The following HIP1 variants were observed in gnomAD, a reference collection of about 807,000 sequenced individuals.
HIP1 encodes the protein huntingtin interacting protein 1, also known as huntingtin-interacting protein 1.
Under a neutral mutation model 147.6 loss-of-function variants are expected in HIP1, and 65 were observed. The observed-to-expected ratio is 0.44, with a 90% CI of 0.36 to 0.54. The LOEUF is 0.54. HIP1 is among the 20% of genes least tolerant of loss of function. The probability of loss-of-function intolerance (pLI) is 0.00; values close to 1 mark genes in which losing one functional copy is unlikely to be tolerated. For missense variants in HIP1, 1,061 were observed against 1,299.6 expected, an observed-to-expected ratio of 0.82 and a Z score of 2.82; for synonymous variants, 479 against 504.0, an observed-to-expected ratio of 0.95 and a Z score of 0.67.
chr7:75,599,447 C>T (rs1796890769), intron 1 of HIP1, among the ~76,000 whole-genome samples, 200 bp from the exon 2 acceptor site: 1 of 152,194 alleles, frequency 6.6e-6, no homozygotes, highest in African/African-American at 2.4e-5. Flanking sequence ...CTGGGCCGTC[C>T]TGAGGGAGTG....
At chr7:75,677,626 G>C (rs201238555) in intron 1 of HIP1, among the ~76,000 whole-genome samples, 1 of 109,862 alleles carries the variant, frequency 9.1e-6, no homozygotes, top group African/African-American at 3.5e-5. Flanking sequence ...AAAAAAAAAA[G>C]ACAAGCCTTT....
intron 1 of HIP1, among the ~76,000 whole-genome samples, chr7:75,689,457 T>C (rs1162735678): frequency 6.6e-6 from 1 of 151,550 alleles, no homozygotes; most frequent in African/African-American, 2.4e-5. Context: ...TGAGCTGAGA[T>C]TGCGCCATTG....
intron 1 of HIP1, among the ~76,000 whole-genome samples, chr7:75,673,219 C>T (rs960350158): frequency 6.6e-6 from 1 of 151,914 alleles, no homozygotes; most frequent in Non-Finnish European, 1.5e-5. Flanking sequence ...GACAGAGTTT[C>T]ACTATATTGA....
At chr7:75,715,930 G>C (rs1415359665) in intron 1 of HIP1, among the ~76,000 whole-genome samples, 1 of 151,974 alleles carries the variant, frequency 6.6e-6, no homozygotes, top group Admixed American at 6.6e-5. Context: ...GGAATCAGGC[G>C]TGTCACATGG....
rs551201678 is a variant in HIP1, at chr7:75,717,782, C to T, written c.120+21019G>A. Reference sequence around the variant, plus strand: ...GGTCAGGAATTTGAGACCAGCCTCACCAACATGGTGAAATCCTATCTCTAC... The same window carrying T: ...GGTCAGGAATTTGAGACCAGCCTCATCAACATGGTGAAATCCTATCTCTAC... On this transcript the variant is annotated intron_variant, in intron 1 of 30. Coordinates refer to ENST00000336926, the MANE Select transcript of HIP1 (RefSeq NM_005338.7). Among the ~76,000 whole-genome samples the T allele has an allele frequency of 2.6e-5, 4 of 151,892 alleles. No individual in the cohort carries two copies. In the South Asian group the frequency reaches 8.3e-4, roughly 32 times the overall value.
intron 22 of HIP1, among the ~76,000 whole-genome samples, chr7:75,551,189 ATTT>A (rs55679922): frequency 0.011 from 836 of 77,366 alleles, 12 homozygotes; most frequent in African/African-American, 0.042. Flanking sequence ...GTAGATGATA[ATTT>A]TTTTTTTTTT....
At chr7:75,595,287 T>TTCCTTCCTTCCTTCCTTC (rs1563230646) in intron 2 of HIP1, among the ~76,000 whole-genome samples, 4 of 103,226 alleles carry the variant, frequency 3.9e-5, no homozygotes, top group Non-Finnish European at 6.2e-5. Flanking sequence ...TTCCTTCCTT[T>TTCCTTCCTTCCTTCCTTC]CTTTCTTTCT....
At chr7:75,695,438 C>T (rs1800603944) in intron 1 of HIP1, among the ~76,000 whole-genome samples, 2 of 152,188 alleles carry the variant, frequency 1.3e-5, no homozygotes, top group Non-Finnish European at 1.5e-5. Flanking sequence ...AAACCTCTGC[C>T]ACATGAAGTC....
intron 22 of HIP1, 105 bp from the exon 23 acceptor site, chr7:75,549,106 A>G: frequency 1.3e-6 from 1 of 780,776 alleles, no homozygotes; most frequent in East Asian, 2.5e-5. Flanking sequence ...CCACCCAGCA[A>G]ACACCTTCTG....
At chr7:75,665,743 G>C (rs1554514549) in intron 1 of HIP1, among the ~76,000 whole-genome samples, 1 of 151,962 alleles carries the variant, frequency 6.6e-6, no homozygotes, top group Non-Finnish European at 1.5e-5. Context: ...GTTTTGCTAT[G>C]TTGGCCAGGC....
intron 1 of HIP1, among the ~76,000 whole-genome samples, chr7:75,654,022 T>C (rs1799072389): frequency 6.6e-6 from 1 of 152,126 alleles, no homozygotes; most frequent in South Asian, 2.1e-4. Flanking sequence ...TACAGCCAGG[T>C]CACATGCCTC....
chr7:75,563,835 G>C (rs1191276759), intron 9 of HIP1, among the ~76,000 whole-genome samples: 1 of 152,160 alleles, frequency 6.6e-6, no homozygotes, highest in African/African-American at 2.4e-5. Context: ...CAATCGTTTG[G>C]TACTATGTCC....
intron 1 of HIP1, among the ~76,000 whole-genome samples, chr7:75,628,735 T>C (rs1298940033): frequency 6.6e-6 from 1 of 152,168 alleles, no homozygotes; most frequent in African/African-American, 2.4e-5. Flanking sequence ...TGCCTTGGCC[T>C]CCCAAAGGGC....
At chr7:75,580,969 T>C (rs1554498473) in intron 7 of HIP1, among the ~76,000 whole-genome samples, 1 of 152,180 alleles carries the variant, frequency 6.6e-6, no homozygotes. Context: ...CTTGAACTTC[T>C]GGCCTCAAGT....
chr7:75,560,570 G>A (rs895304497), intron 13 of HIP1, among the ~76,000 whole-genome samples: 2 of 152,032 alleles, frequency 1.3e-5, no homozygotes, highest in East Asian at 1.9e-4. Flanking sequence ...TCTCCTTATC[G>A]CCATGTGAGA....
intron 1 of HIP1, among the ~76,000 whole-genome samples, chr7:75,680,162 C>A (rs1030359747): frequency 6.6e-6 from 1 of 152,164 alleles, no homozygotes; most frequent in African/African-American, 2.4e-5. Context: ...CGTGCCTCAG[C>A]CTCCTGAATA....
chr7:75,556,043 T>G lies in HIP1; in HGVS notation c.1810A>C (p.Lys604Gln). The G allele has an allele frequency of 6.2e-7, 1 of 1,614,142 alleles. No individual in the cohort carries two copies. ...LRKELQDTQL[K>Q]LASTEESMCQ... ...TGACTTGCCTCTGTGCTGGCCAGTTTGAGCTGAGTGTCCTGCAGTTCTTTC... is the reference window on the plus strand; with the variant it reads ...TGACTTGCCTCTGTGCTGGCCAGTTGGAGCTGAGTGTCCTGCAGTTCTTTC... Residue 604 changes from lysine (K) to glutamine (Q), a missense_variant, in exon 18 of 31, where the codon AAA (lysine) becomes CAA (glutamine). Transcript: ENST00000336926.
rs1442506436 is a variant in HIP1 at position 75,636,372 on chromosome 7, G to A, written c.121-37125C>T. On this transcript the variant is annotated intron_variant, in intron 1 of 30. Transcript: ENST00000336926. ...TCTCAAAAAAAAAAAAAAAAATCACGCAGAATCAGGTAAACTATAATCTGC... is the reference window on the plus strand; with the variant it reads ...TCTCAAAAAAAAAAAAAAAAATCACACAGAATCAGGTAAACTATAATCTGC... Among the ~76,000 whole-genome samples, 4 of 151,308 alleles carry A rather than the reference G, an allele frequency of 2.6e-5. No individual in the cohort carries two copies. In the South Asian group the frequency reaches 6.2e-4, roughly 24 times the overall value.
At chr7:75,682,400 G>C (rs1161964591) in intron 1 of HIP1, among the ~76,000 whole-genome samples, 2 of 151,684 alleles carry the variant, frequency 1.3e-5, no homozygotes, top group African/African-American at 4.8e-5. Context: ...GTGACTACAG[G>C]AGGCTACATG....
Sources: allele counts gnomAD v4.1 joint callset (sites outside exome capture counted in the v4.1 genomes callset), GRCh38; gene constraint gnomAD v4.1.1; transcripts MANE v1.5; gene names NCBI Gene and HGNC (gene_info 2026-07-23, HGNC 2026-07-21).